The following HNRNPA1L2 variants were observed in gnomAD, a reference collection of about 807,000 sequenced individuals.
HNRNPA1L2 encodes heterogeneous nuclear ribonucleoprotein A1-like 2.
In HNRNPA1L2, 10 loss-of-function variants were observed where a neutral mutation model predicts 18.2. That is an observed-to-expected ratio of 0.55 (90% CI 0.34 to 0.93). HNRNPA1L2 has a LOEUF of 0.93. Among genes scored for constraint, HNRNPA1L2 ranks in the 40% least tolerant of loss-of-function variants. The probability of loss-of-function intolerance (pLI) is 0.02; values close to 1 mark genes in which losing one functional copy is unlikely to be tolerated. For missense variants in HNRNPA1L2, 308 were observed against 394.4 expected (o/e 0.78, Z 1.85); for synonymous variants, 124 against 138.6 (o/e 0.89, Z 0.74).
chr13:52,635,518 A>G, the HNRNPA1L2 span, among the ~76,000 whole-genome samples: 1 of 151,968 alleles, frequency 6.6e-6, no homozygotes, highest in Non-Finnish European at 1.5e-5. Flanking sequence ...GTTTTGACAA[A>G]TAGATACACC....
At chr13:52,628,452 T>A in the HNRNPA1L2 span, among the ~76,000 whole-genome samples, 4 of 151,866 alleles carry the variant, frequency 2.6e-5, no homozygotes, top group Non-Finnish European at 5.9e-5. Flanking sequence ...CTGAAAGAAA[T>A]TATATTTAAA....
At chr13:52,634,646 G>A in the HNRNPA1L2 span, among the ~76,000 whole-genome samples, 3 of 152,034 alleles carry the variant, frequency 2.0e-5, no homozygotes, top group Non-Finnish European at 4.4e-5. Context: ...TTTATTGACC[G>A]ATTGAATGAG....
At chr13:52,619,232 A>C in the HNRNPA1L2 span, among the ~76,000 whole-genome samples, 9,349 of 152,058 alleles carry the variant, frequency 0.061, 336 homozygotes, top group African/African-American at 0.095. Context: ...ACCTCAGGTG[A>C]TCGGCCCGCA....
At chr13:52,628,569 TTA>T in the HNRNPA1L2 span, among the ~76,000 whole-genome samples, 5 of 152,210 alleles carry the variant, frequency 3.3e-5, no homozygotes, top group African/African-American at 9.6e-5. Flanking sequence ...TGGTTTTAAT[TTA>T]GTTATTGAAT....
chr13:52,641,418 C>T (rs1961650629), upstream of HNRNPA1L2: 3 of 152,224 alleles, frequency 2.0e-5, no homozygotes, highest in South Asian at 6.2e-4. Context: ...TTTCATAACT[C>T]ACTTTTCCTC....
At chr13:52,622,549 T>A in the HNRNPA1L2 span, among the ~76,000 whole-genome samples, 1 of 152,220 alleles carries the variant, frequency 6.6e-6, no homozygotes, top group Non-Finnish European at 1.5e-5. Flanking sequence ...ATTGGTGTTA[T>A]TAACTGCTAC....
the HNRNPA1L2 span, chr13:52,621,899 T>C: frequency 6.6e-6 from 1 of 152,334 alleles, no homozygotes; most frequent in Admixed American, 6.6e-5. Flanking sequence ...TGGAAAGGGC[T>C]TGAATTGAAA....
upstream of HNRNPA1L2, among the ~76,000 whole-genome samples, chr13:52,639,718 C>CAAAAAAAAAAAAAAAAAAAAAAAAA (rs1961585637): frequency 1.5e-4 from 18 of 119,172 alleles, no homozygotes; most frequent in African/African-American, 5.9e-4. Flanking sequence ...AAAAAAAAAT[C>CAAAAAAAAAAAAAAAAAAAAAAAAA]AAAACTATCC....
At chr13:52,629,852 G>A in the HNRNPA1L2 span, among the ~76,000 whole-genome samples, 2 of 152,128 alleles carry the variant, frequency 1.3e-5, no homozygotes, top group African/African-American at 4.8e-5. Context: ...CAATTTAGAG[G>A]GCCGAGGCAG....
At chr13:52,627,243 A>G in the HNRNPA1L2 span, among the ~76,000 whole-genome samples, 5 of 152,360 alleles carry the variant, frequency 3.3e-5, no homozygotes, top group African/African-American at 1.2e-4. Context: ...GTTCTGAATT[A>G]GCATTTCAAA....
At chr13:52,624,841 C>T in the HNRNPA1L2 span, among the ~76,000 whole-genome samples, 3 of 152,094 alleles carry the variant, frequency 2.0e-5, no homozygotes, top group African/African-American at 4.8e-5. Flanking sequence ...CCTACCTGAT[C>T]GACATGGTGA....
At chr13:52,617,618 C>G in the HNRNPA1L2 span, 1 of 473,994 alleles carries the variant, frequency 2.1e-6, no homozygotes, top group Non-Finnish European at 3.9e-6. Context: ...CCCTTTGTCC[C>G]CTGGAAGCCC....
the HNRNPA1L2 span, among the ~76,000 whole-genome samples, chr13:52,628,745 A>C: frequency 1.3e-5 from 2 of 152,264 alleles, no homozygotes; most frequent in Non-Finnish European, 2.9e-5. Context: ...TTAATAGATG[A>C]CTTTTTAAAA....
the HNRNPA1L2 span, among the ~76,000 whole-genome samples, chr13:52,619,704 A>G: frequency 0.43 from 65,670 of 151,562 alleles, 14,549 homozygotes; most frequent in Middle Eastern, 0.52. Flanking sequence ...GGCGGATCAC[A>G]AGGTAAGGAG....
chr13:52,625,538 A>C, the HNRNPA1L2 span, among the ~76,000 whole-genome samples: 1 of 152,234 alleles, frequency 6.6e-6, no homozygotes, highest in Admixed American at 6.5e-5. Flanking sequence ...GAACTTTATA[A>C]ATTATAAAGC....
the HNRNPA1L2 span, among the ~76,000 whole-genome samples, chr13:52,628,300 G>A: frequency 6.6e-6 from 1 of 152,068 alleles, no homozygotes. Flanking sequence ...AAAATTAGCT[G>A]GGCATTGTGG....
At chr13:52,637,082 C>A in the HNRNPA1L2 span, among the ~76,000 whole-genome samples, 3 of 152,156 alleles carry the variant, frequency 2.0e-5, no homozygotes, top group Non-Finnish European at 4.4e-5. Flanking sequence ...CTTGGCTTCC[C>A]AAAGTGCTGG....
At chr13:52,636,842 TA>T in the HNRNPA1L2 span, among the ~76,000 whole-genome samples, 1 of 152,202 alleles carries the variant, frequency 6.6e-6, no homozygotes. Flanking sequence ...TTTATTTATT[TA>T]TTTTTTGAGA....
the HNRNPA1L2 span, among the ~76,000 whole-genome samples, chr13:52,623,893 A>T: frequency 6.6e-6 from 1 of 152,210 alleles, no homozygotes; most frequent in East Asian, 1.9e-4. Flanking sequence ...CTGGGTCCTC[A>T]GTTGGAAGAC....
Sources: gnomAD v4.1 joint callset for allele counts (sites outside exome capture counted in the v4.1 genomes callset) on GRCh38, gnomAD v4.1.1 for gene constraint, MANE v1.5 for transcripts, NCBI Gene and HGNC (gene_info 2026-07-23, HGNC 2026-07-21) for gene names.